The following NAALADL2 variants were observed in gnomAD, a reference collection of about 807,000 sequenced individuals.
NAALADL2 encodes N-acetylated alpha-linked acidic dipeptidase like 2.
A neutral mutation model predicts 87.2 loss-of-function variants in NAALADL2; 76 were observed. The ratio of observed to expected loss-of-function variants is 0.87; its 90% CI spans 0.72 to 1.05. NAALADL2 has a LOEUF of 1.05. Ranked by LOEUF, NAALADL2 falls within the 50% of genes least tolerant of loss-of-function variation. The pLI is 0.00. For synonymous variants in NAALADL2, 354 were observed against 331.0 expected, an observed-to-expected ratio of 1.07 and a Z score of -0.75; for missense variants, 1,089 against 945.8, an observed-to-expected ratio of 1.15 and a Z score of -1.99.
upstream of NAALADL2, among the ~76,000 whole-genome samples, chr3:174,854,524 AAG>A (rs1725631475): frequency 6.6e-6 from 1 of 152,164 alleles, no homozygotes; most frequent in African/African-American, 2.4e-5. Context: ...CAAAATCATT[AAG>A]AGTGAAATTG....
chr3:174,498,180 T>G (rs1240762243), intron 1 of NAALADL2, among the ~76,000 whole-genome samples: 1 of 152,136 alleles, frequency 6.6e-6, no homozygotes, highest in Non-Finnish European at 1.5e-5. Flanking sequence ...TGATGCCTCT[T>G]TGTAGTCCTT....
At chr3:174,971,050 A>C (rs1353091393) in intron 1 of NAALADL2, among the ~76,000 whole-genome samples, 2 of 152,260 alleles carry the variant, frequency 1.3e-5, no homozygotes. Context: ...TGGTGGTGGC[A>C]AGAGAAAAAT....
At chr3:175,783,130 C>T (rs1308212535) in intron 13 of NAALADL2, among the ~76,000 whole-genome samples, 5 of 152,008 alleles carry the variant, frequency 3.3e-5, no homozygotes, top group Admixed American at 3.3e-4. Flanking sequence ...AGTTTGAAGT[C>T]AGGTAGTGTG....
At chr3:175,289,024 T>C (rs1052394019) in intron 4 of NAALADL2, among the ~76,000 whole-genome samples, 1 of 152,206 alleles carries the variant, frequency 6.6e-6, no homozygotes, top group African/African-American at 2.4e-5. Flanking sequence ...TAGGGATTAA[T>C]ATATTTGTTA....
chr3:174,683,301 C>T (rs1560141830), intron 2 of NAALADL2, among the ~76,000 whole-genome samples: 1 of 151,908 alleles, frequency 6.6e-6, no homozygotes. Context: ...GAATTATTGA[C>T]CTTAAAGAGG....
At chr3:175,258,102 A>G (rs1249760566) in intron 4 of NAALADL2, among the ~76,000 whole-genome samples, 2 of 151,978 alleles carry the variant, frequency 1.3e-5, no homozygotes. Context: ...AGGTCAGGAG[A>G]TTGAGACCAT....
At chr3:175,120,329 A>C (rs1725965758) in intron 2 of NAALADL2, among the ~76,000 whole-genome samples, 1 of 151,822 alleles carries the variant, frequency 6.6e-6, no homozygotes, top group African/African-American at 2.4e-5. Context: ...CATTAAAAAC[A>C]TAGAAATCTA....
chr3:175,610,242 A>AGAG (rs1367106841), intron 10 of NAALADL2, among the ~76,000 whole-genome samples: 1 of 152,128 alleles, frequency 6.6e-6, no homozygotes, highest in Non-Finnish European at 1.5e-5. Context: ...TTGGGAAATG[A>AGAG]GAGTTGTTCT....
chr3:174,498,743 G>C (rs1444459446), intron 1 of NAALADL2, among the ~76,000 whole-genome samples: 1 of 151,686 alleles, frequency 6.6e-6, no homozygotes, highest in African/African-American at 2.4e-5. Context: ...TTCACATCTT[G>C]CTAACACTTC....
chr3:175,081,758 C>A (rs115285035), intron 1 of NAALADL2, among the ~76,000 whole-genome samples: 5 of 152,260 alleles, frequency 3.3e-5, no homozygotes, highest in Non-Finnish European at 5.9e-5. Flanking sequence ...CAATTTACTT[C>A]CGAACTGGTA....
At chr3:175,055,830 A>C (rs1056113225) in intron 1 of NAALADL2, among the ~76,000 whole-genome samples, 5 of 152,194 alleles carry the variant, frequency 3.3e-5, no homozygotes, top group African/African-American at 1.2e-4. Context: ...ATCCACTCTC[A>C]GTCCTGCCAT....
chr3:174,506,596 A>G (rs750995100), intron 1 of NAALADL2, among the ~76,000 whole-genome samples: 13 of 152,158 alleles, frequency 8.5e-5, no homozygotes, highest in Non-Finnish European at 1.3e-4. Context: ...ATGGCTTTTA[A>G]TGTCTATCTG....
intron 9 of NAALADL2, among the ~76,000 whole-genome samples, chr3:175,521,058 A>T (rs1028115669): frequency 3.3e-5 from 5 of 152,064 alleles, no homozygotes; most frequent in Admixed American, 2.0e-4. Context: ...AATGCTTCCA[A>T]CAAATAAAAT....
At chr3:175,032,897 T>C (rs562424993) in intron 1 of NAALADL2, among the ~76,000 whole-genome samples, 1 of 152,112 alleles carries the variant, frequency 6.6e-6, no homozygotes, top group South Asian at 2.1e-4. Flanking sequence ...CTATAGCATT[T>C]TCTCTATTCT....
In NAALADL2 at chr3:175,131,853, G is replaced by A. The variant is rs530195876; in HGVS notation, c.545+34562G>A. ...CCCCCACCTCCCTCCCGGACGGGGC[G>A]GCTGGCCGGGCGGGGTCTGACCCCC... On this transcript the variant is annotated intron_variant, in intron 2 of 13. Transcript: ENST00000454872. Among the ~76,000 whole-genome samples, 62 of 67,694 alleles carry A rather than the reference G, an allele frequency of 9.2e-4. 2 individuals are homozygous for A. Among genetic ancestry groups the A allele is most frequent in the African/African-American group, 3.9e-3 (52 of 13,382 alleles). The allele number at this position is 67,694 out of a possible 152,430, so 44.4% of individuals were successfully genotyped here. A position where few individuals can be genotyped will look rare whatever the true frequency, so the allele number is the denominator to read the frequency against.
chr3:175,688,324 T>C (rs1396535505), intron 11 of NAALADL2, among the ~76,000 whole-genome samples: 1 of 152,150 alleles, frequency 6.6e-6, no homozygotes, highest in Non-Finnish European at 1.5e-5. Context: ...CACAGCTAAC[T>C]GTCTTTTGTC....
chr3:175,082,745 T>C (rs1465485588), intron 1 of NAALADL2, among the ~76,000 whole-genome samples: 1 of 152,236 alleles, frequency 6.6e-6, no homozygotes, highest in East Asian at 1.9e-4. Flanking sequence ...TATTACCTGC[T>C]GGAACAGCAT....
At chr3:174,802,007 C>G (rs570242135) in intron 3 of NAALADL2, among the ~76,000 whole-genome samples, 1 of 151,776 alleles carries the variant, frequency 6.6e-6, no homozygotes, top group African/African-American at 2.4e-5. Context: ...ATATTTTTAC[C>G]CACATTTTAA....
At chr3:175,410,677 T>C (rs1164731082) in intron 5 of NAALADL2, among the ~76,000 whole-genome samples, 1 of 152,148 alleles carries the variant, frequency 6.6e-6, no homozygotes, top group African/African-American at 2.4e-5. Context: ...TAAGCACATA[T>C]AGCTGGTAGC....
Sources: gnomAD v4.1 joint callset for allele counts (sites outside exome capture counted in the v4.1 genomes callset) on GRCh38, gnomAD v4.1.1 for gene constraint, MANE v1.5 for transcripts, NCBI Gene and HGNC (gene_info 2026-07-23, HGNC 2026-07-21) for gene names.